CTNNA2: variants seen among roughly 807,000 people sequenced by gnomAD.
CTNNA2 encodes the protein catenin alpha 2, also known as catenin alpha-2.
CTNNA2 carries 42 observed loss-of-function variants against 101.0 expected under a neutral mutation model. That is an observed-to-expected ratio of 0.42 (90% CI 0.32 to 0.54). CTNNA2 has a LOEUF of 0.54. CTNNA2 is among the 20% of genes least tolerant of loss of function. The pLI, the probability that CTNNA2 is intolerant of heterozygous loss-of-function variation, is 0.14. For synonymous variants in CTNNA2, 450 were observed against 456.4 expected, an observed-to-expected ratio of 0.99 and a Z score of 0.18; for missense variants, 871 against 1,223.1, an observed-to-expected ratio of 0.71 and a Z score of 4.29.
intron 8 of CTNNA2, among the ~76,000 whole-genome samples, chr2:80,393,570 G>T (rs1419797027): frequency 6.6e-6 from 1 of 152,106 alleles, no homozygotes; most frequent in East Asian, 1.9e-4. Flanking sequence ...TTCTACATCT[G>T]GTCTTTAGTT....
At chr2:80,078,270 C>T (rs755425437) in intron 7 of CTNNA2, among the ~76,000 whole-genome samples, 2 of 152,062 alleles carry the variant, frequency 1.3e-5, no homozygotes, top group Admixed American at 6.5e-5. Flanking sequence ...CTGTTGAAAA[C>T]GCAGAACTTC....
At chr2:79,306,079 A>T (rs1177795662) in intron 2 of CTNNA2, among the ~76,000 whole-genome samples, 1 of 150,802 alleles carries the variant, frequency 6.6e-6, no homozygotes, top group African/African-American at 2.5e-5. Flanking sequence ...CTTGTCTTTT[A>T]CGACAACATG....
rs568705974 is a variant in CTNNA2 at position 80,333,687 on chromosome 2, G to C, written c.1057-59524G>C. Among the ~76,000 whole-genome samples, 13 of 152,252 alleles carry C rather than the reference G, an allele frequency of 8.5e-5. No homozygotes were observed. The South Asian group carries it at 2.3e-3, about 27-fold the overall frequency. ...CTTGCTGTGTCCCACAGGCAGTAGC[G>C]TGATCCCGGCTCCCTGCAATCTCTG... On this transcript the variant is annotated intron_variant, in intron 7 of 18. Coordinates refer to ENST00000402739, the MANE Select transcript of CTNNA2 (RefSeq NM_001282597.3).
intron 7 of CTNNA2, among the ~76,000 whole-genome samples, chr2:80,307,909 A>C (rs183248718): frequency 2.2e-4 from 33 of 152,348 alleles, no homozygotes; most frequent in African/African-American, 7.7e-4. Flanking sequence ...GCAAATGGGA[A>C]GGAAGTCTGG....
chr2:79,671,288 C>T (rs561735528), intron 2 of CTNNA2, among the ~76,000 whole-genome samples: 4 of 152,334 alleles, frequency 2.6e-5, no homozygotes, highest in East Asian at 3.9e-4. Flanking sequence ...GCTCCAGCTC[C>T]GCATAGCTCA....
intron 1 of CTNNA2, among the ~76,000 whole-genome samples, chr2:79,591,757 G>A (rs1676861756): frequency 6.6e-6 from 1 of 152,060 alleles, no homozygotes; most frequent in African/African-American, 2.4e-5. Context: ...GAGAAATGGG[G>A]GTGTTGCTTT....
At position 80,080,972 on chromosome 2, in the gene CTNNA2, A is replaced by T. The variant is rs200114949; in HGVS notation, c.1056+171175A>T. On this transcript the variant is annotated intron_variant, in intron 7 of 18. Transcript: ENST00000402739. ...TTAAAAAAAAAAAAAAAAAAAAAAA[A>T]GAAATGCTTGCCGTGTTGCAGATAC... Among the ~76,000 whole-genome samples, 99 of 135,542 alleles carry T rather than the reference A, an allele frequency of 7.3e-4. No individual in the cohort carries two copies. In the East Asian group the frequency reaches 0.02, roughly 27 times the overall value. 88.9% of individuals were successfully genotyped at this position (135,542 alleles called of 152,430 possible). A position where few individuals can be genotyped will look rare whatever the true frequency, so the allele number is the denominator to read the frequency against.
chr2:79,388,846 C>A (rs1411290003), intron 4 of CTNNA2, among the ~76,000 whole-genome samples: 1 of 151,796 alleles, frequency 6.6e-6, no homozygotes, highest in Non-Finnish European at 1.5e-5. Flanking sequence ...AACACTTTAA[C>A]AGGTATTCCA....
At chr2:80,424,778 T>C (rs891919095) in intron 9 of CTNNA2, among the ~76,000 whole-genome samples, 8 of 152,236 alleles carry the variant, frequency 5.3e-5, no homozygotes, top group Non-Finnish European at 1.2e-4. Flanking sequence ...TGAGTTTGCT[T>C]TGCCTTGCTT....
chr2:79,350,910 A>G (rs984165302), intron 3 of CTNNA2, among the ~76,000 whole-genome samples: 4 of 152,046 alleles, frequency 2.6e-5, no homozygotes, highest in African/African-American at 7.2e-5. Context: ...ATGTTTTAAT[A>G]TATTTGTTGG....
intron 7 of CTNNA2, among the ~76,000 whole-genome samples, chr2:80,186,669 GAGA>G (rs1706150383): frequency 6.6e-6 from 1 of 152,172 alleles, no homozygotes; most frequent in Non-Finnish European, 1.5e-5. Flanking sequence ...GAGGCCTGGA[GAGA>G]AGATTTTGAT....
chr2:80,412,713 C>A (rs972808323), intron 8 of CTNNA2, among the ~76,000 whole-genome samples: 1 of 151,742 alleles, frequency 6.6e-6, no homozygotes, highest in Non-Finnish European at 1.5e-5. Flanking sequence ...CTTAGCCCGG[C>A]CTTCTCCTGT....
At chr2:80,162,678 C>T (rs898366422) in intron 7 of CTNNA2, 68 of 1,612,548 alleles carry the variant, frequency 4.2e-5, no homozygotes, top group African/African-American at 2.7e-4. Flanking sequence ...TGTACCTTGG[C>T]GCCACTGGGA....
intron 7 of CTNNA2, among the ~76,000 whole-genome samples, chr2:79,924,000 G>A (rs146068189): frequency 8.1e-4 from 123 of 152,180 alleles, no homozygotes; most frequent in Middle Eastern, 6.8e-3. Flanking sequence ...TATGTTGAAG[G>A]CATCTCTGCA....
At chr2:80,115,355 T>A (rs961587671) in intron 7 of CTNNA2, among the ~76,000 whole-genome samples, 2 of 152,178 alleles carry the variant, frequency 1.3e-5, no homozygotes, top group Admixed American at 6.5e-5. Context: ...TTATGATAAT[T>A]GGTTGAGAGA....
chr2:80,180,534 G>C (rs1705709602), intron 7 of CTNNA2, among the ~76,000 whole-genome samples: 1 of 152,108 alleles, frequency 6.6e-6, no homozygotes, highest in Non-Finnish European at 1.5e-5. Context: ...CTGCCATTTG[G>C]CCTCTGCCAC....
intron 7 of CTNNA2, among the ~76,000 whole-genome samples, chr2:80,226,872 G>A (rs1043520241): frequency 3.9e-5 from 6 of 152,018 alleles, no homozygotes; most frequent in Non-Finnish European, 8.8e-5. Flanking sequence ...AGGATGCAGT[G>A]CATTTGTTCT....
chr2:80,606,637 A>C (rs1176251658), intron 16 of CTNNA2, among the ~76,000 whole-genome samples: 1 of 151,930 alleles, frequency 6.6e-6, no homozygotes. Context: ...ATTTTCCTTG[A>C]TTCAACATGC....
chr2:80,179,365 G>GT (rs372879388), intron 7 of CTNNA2, among the ~76,000 whole-genome samples: 358 of 151,684 alleles, frequency 2.4e-3, no homozygotes, highest in African/African-American at 7.3e-3. Flanking sequence ...TGTCTTTCAA[G>GT]TTTTTTTTTG....
Sources: allele counts gnomAD v4.1 joint callset (sites outside exome capture counted in the v4.1 genomes callset), GRCh38; gene constraint gnomAD v4.1.1; transcripts MANE v1.5; gene names NCBI Gene and HGNC (gene_info 2026-07-23, HGNC 2026-07-21).